Variants in WDR26 observed in about 807,000 individuals in gnomAD.
WDR26 encodes WD repeat domain 26, also known as WD repeat-containing protein 26.
In WDR26, 5 loss-of-function variants were observed where a neutral mutation model predicts 84.1. The observed-to-expected ratio is 0.06, with a 90% CI of 0.03 to 0.13. WDR26 has a LOEUF of 0.13. WDR26 is among the 10% of genes least tolerant of loss of function. WDR26 has a pLI of 1.00. For synonymous variants in WDR26, 415 were observed against 389.6 expected (o/e 1.07, Z -0.77); for missense variants, 642 against 974.9 (o/e 0.66, Z 4.55).
chr1:224,418,127 CCA>C, intron 6 of WDR26, 131 bp downstream of exon 6: 1 of 672,852 alleles, frequency 1.5e-6, no homozygotes. Context: ...TTTCATAGTT[CCA>C]GCTTTACTCG....
intron 4 of WDR26, among the ~76,000 whole-genome samples, chr1:224,420,742 G>A (rs529591103): frequency 6.6e-6 from 1 of 152,026 alleles, no homozygotes; most frequent in Non-Finnish European, 1.5e-5. Flanking sequence ...ACTCAAAAAC[G>A]CTATAGGAAG....
rs778872189 is a variant in WDR26 at position 224,424,717 on chromosome 1, T to A, written c.928-63A>T. The A allele has an allele frequency of 6.8e-6, 11 of 1,607,822 alleles. No individual in the cohort carries two copies. In the East Asian group the frequency reaches 2.5e-4, roughly 36 times the overall value. On this transcript the variant is annotated intron_variant, in intron 3 of 13. Coordinates refer to ENST00000414423, the MANE Select transcript of WDR26 (RefSeq NM_001379403.1). ...TGATGGAAGTTTCAGAAAATGTTTG[T>A]GCCTAAACAGAACAGTAGAAACCAT...
chr1:224,398,317 T>TC, intron 11 of WDR26, 91 bp from the exon 12 acceptor site: 1 of 1,479,884 alleles, frequency 6.8e-7, no homozygotes, highest in Non-Finnish European at 9.0e-7. Context: ...CCTGATGAAA[T>TC]ATCTTCATTT....
chr1:224,431,857 G>A (rs1674401195), intron 1 of WDR26, 76 bp from the exon 2 acceptor site: 1 of 1,176,452 alleles, frequency 8.5e-7, no homozygotes, highest in Non-Finnish European at 1.1e-6. Flanking sequence ...TAATGTCCAT[G>A]AAAACAGATG....
Position 224,387,684 on chromosome 1 carries a change from A to G in WDR26, c.*2151T>C, listed in dbSNP as rs961060629. The G allele has an allele frequency of 6.6e-6, 1 of 152,552 alleles. No individual in the cohort carries two copies. The highest frequency in any genetic ancestry group is 6.6e-5 in the Admixed American group (1 of 15,266). The allele number at this position is 152,552 out of a possible 1,614,324, so 9.4% of individuals were successfully genotyped here. On this transcript the variant is annotated 3_prime_UTR_variant, in exon 14 of 14. Coordinates refer to ENST00000414423, the MANE Select transcript of WDR26 (RefSeq NM_001379403.1). ...TACAAATGCACCGTAGCACACTGTAACCAAATTTGTAAACAGCTGTGGAGT... is the reference window on the plus strand; with the variant it reads ...TACAAATGCACCGTAGCACACTGTAGCCAAATTTGTAAACAGCTGTGGAGT...
In WDR26 at chr1:224,431,747, A is replaced by G; in HGVS notation, c.757T>C (p.Cys253Arg). Residue 253 changes from cysteine to arginine, a missense_variant, in exon 2 of 14, where the codon TGT becomes CGT. Physicochemically the swap from Cys to Arg is radical, Grantham distance 180 (BLOSUM62 -3). Transcript: ENST00000414423. Reference sequence around the variant, plus strand: ...GTAGCAGAAGGATGTTCTAAACGACATCCTGACTCTTGCATGAGGAGATCA... The same window carrying G: ...GTAGCAGAAGGATGTTCTAAACGACGTCCTGACTCTTGCATGAGGAGATCA... The G allele has an allele frequency of 6.2e-7, 1 of 1,613,880 alleles. No individual in the cohort carries two copies. The highest frequency in any genetic ancestry group is 1.1e-5 in the South Asian group (1 of 91,038).
At chr1:224,416,585 A>G (rs1193129601) in intron 6 of WDR26, among the ~76,000 whole-genome samples, 1 of 152,186 alleles carries the variant, frequency 6.6e-6, no homozygotes, top group Admixed American at 6.5e-5. Context: ...GGTTGGAAAA[A>G]GTTAGATTAA....
chr1:224,418,190 C>T, intron 6 of WDR26, 70 bp downstream of exon 6: 1 of 1,369,876 alleles, frequency 7.3e-7, no homozygotes, highest in South Asian at 1.5e-5. Flanking sequence ...CAGGATAAGA[C>T]TCTAAAAAAG....
chr1:224,407,173 A>ATATATATATATATATATATATATATAT (rs1558426297), intron 7 of WDR26, among the ~76,000 whole-genome samples: 1 of 81,488 alleles, frequency 1.2e-5, no homozygotes, highest in African/African-American at 5.1e-5. Context: ...TATATATATA[A>ATATATATATATATATATATATATATAT]CTCAAAAACT....
chr1:224,434,595 TCGGGGTGCGCGGCCCGGGGGTCGCGC>T lies in WDR26; in HGVS notation c.-216_-191del, dbSNP rs1039727677. 4 of 438,738 alleles carry T rather than the reference TCGGGGTGCGCGGCCCGGGGGTCGCGC, an allele frequency of 9.1e-6. No homozygotes were observed. Among genetic ancestry groups the T allele is most frequent in the Non-Finnish European group, 1.2e-5 (4 of 343,712 alleles). 27.2% of individuals were successfully genotyped at this position (438,738 alleles called of 1,614,324 possible). A position where few individuals can be genotyped will look rare whatever the true frequency, so the allele number is the denominator to read the frequency against. On this transcript the variant is annotated 5_prime_UTR_variant, in exon 1 of 14. Coordinates refer to ENST00000414423, the MANE Select transcript of WDR26 (RefSeq NM_001379403.1). ...TTCCCCCCCCCCTCCCGGAGGCAGC[TCGGGGTGCGCGGCCCGGGGGTCGCGC>T]CGGGGGGCGCCGCGGGGCGGCTGCG... is the stretch of plus-strand genomic sequence containing the variant.
At chr1:224,420,553 GTTAACA>G (rs1441983350) in intron 4 of WDR26, among the ~76,000 whole-genome samples, 1 of 152,124 alleles carries the variant, frequency 6.6e-6, no homozygotes, top group African/African-American at 2.4e-5. Flanking sequence ...ATACCTCTCA[GTTAACA>G]TGAGTATCAT....
At chr1:224,407,151 A>AAAAAAGGATATATATAT in intron 7 of WDR26, among the ~76,000 whole-genome samples, 1 of 11,868 alleles carries the variant, frequency 8.4e-5, no homozygotes, top group Non-Finnish European at 1.4e-4. Flanking sequence ...AAAAAAAAAA[A>AAAAAAGGATATATATAT]ATATATATAT....
intron 7 of WDR26, among the ~76,000 whole-genome samples, chr1:224,408,194 T>C (rs1020942036): frequency 1.3e-5 from 2 of 152,244 alleles, no homozygotes; most frequent in African/African-American, 4.8e-5. Context: ...ACCACCTAAA[T>C]GCCATGTTAC....
At position 224,404,385 on chromosome 1, in the gene WDR26, A is replaced by G. The variant is rs1193167445; in HGVS notation, c.1599+45T>C. On this transcript the variant is annotated intron_variant, in intron 8 of 13. Coordinates refer to ENST00000414423, the MANE Select transcript of WDR26 (RefSeq NM_001379403.1). ...AGTTATAATGAATATGTACATTATG[A>G]CTATGCTGTACTTAAAAGCTCAACC... 3.1e-6 allele frequency: 5 copies of G among 1,599,874 alleles called. No individual in the cohort carries two copies. In the South Asian group the frequency reaches 4.5e-5, roughly 14 times the overall value.
At chr1:224,425,833 G>C (rs1674193993) in intron 3 of WDR26, among the ~76,000 whole-genome samples, 1 of 152,016 alleles carries the variant, frequency 6.6e-6, no homozygotes, top group Non-Finnish European at 1.5e-5. Context: ...AAAACTTAAA[G>C]TACAATTTTT....
rs144934464 is a variant in WDR26, at chr1:224,411,427, C to T, written c.1458G>A (p.Pro486=). ...TAAACACTCATATTGGGGTACATAC[C>T]GGATCAACTTGCCATATGATAACTG... The change falls in exon 7 of 14, where the codon CCG becomes CCA. Residue 486 remains proline, a splice_region_variant and synonymous_variant. Transcript: ENST00000414423. 1.2e-6 allele frequency: 2 copies of T among 1,607,386 alleles called. No homozygotes were observed. The highest frequency in any genetic ancestry group is 1.7e-6 in the Non-Finnish European group (2 of 1,177,758).
At chr1:224,426,755 A>C (rs960520773) in intron 3 of WDR26, among the ~76,000 whole-genome samples, 1 of 152,034 alleles carries the variant, frequency 6.6e-6, no homozygotes, top group Non-Finnish European at 1.5e-5. Flanking sequence ...AAAAAATGCA[A>C]CTATGAAATG....
intron 13 of WDR26, among the ~76,000 whole-genome samples, chr1:224,392,226 TG>T (rs1312376430): frequency 6.6e-6 from 1 of 151,664 alleles, no homozygotes; most frequent in Non-Finnish European, 1.5e-5. Context: ...CTGGGCGTGG[TG>T]GTGGGTGCCT....
intron 11 of WDR26, 94 bp from the exon 12 acceptor site, chr1:224,398,320 C>T (rs1673317489): frequency 4.8e-6 from 7 of 1,470,208 alleles, no homozygotes; most frequent in Non-Finnish European, 6.4e-6. Context: ...GATGAAATAT[C>T]TTCATTTTCT....
Sources: allele counts gnomAD v4.1 joint callset (sites outside exome capture counted in the v4.1 genomes callset), GRCh38; gene constraint gnomAD v4.1.1; transcripts MANE v1.5; gene names NCBI Gene and HGNC (gene_info 2026-07-23, HGNC 2026-07-21).